Variants in APPBP2 observed in about 807,000 individuals in gnomAD.
APPBP2 encodes the protein amyloid protein-binding protein 2.
A neutral mutation model predicts 76.0 loss-of-function variants in APPBP2; 15 were observed. The ratio of observed to expected loss-of-function variants is 0.20; its 90% CI spans 0.13 to 0.30. APPBP2 has a LOEUF of 0.30. Among genes scored for constraint, APPBP2 ranks in the 10% least tolerant of loss-of-function variants. The probability of loss-of-function intolerance (pLI) is 1.00; values close to 1 mark genes in which losing one functional copy is unlikely to be tolerated. For missense variants in APPBP2, 401 were observed against 687.2 expected (o/e 0.58, Z 4.66); for synonymous variants, 222 against 242.2 (o/e 0.92, Z 0.77).
intron 1 of APPBP2, among the ~76,000 whole-genome samples, chr17:60,515,353 C>A (rs1377418073): frequency 6.6e-6 from 1 of 150,462 alleles, no homozygotes; most frequent in Non-Finnish European, 1.5e-5. Context: ...TGAACTCAGG[C>A]GATCCACCCA....
chr17:60,450,313 C>T (rs539305216), intron 12 of APPBP2, among the ~76,000 whole-genome samples: 171 of 145,362 alleles, frequency 1.2e-3, no homozygotes, highest in Non-Finnish European at 1.5e-3. Context: ...TGGCGGGCAC[C>T]TGTAGTCCCA....
At chr17:60,518,619 C>T (rs115013238) in intron 1 of APPBP2, among the ~76,000 whole-genome samples, 2,373 of 151,974 alleles carry the variant, frequency 0.016, 62 homozygotes, top group African/African-American at 0.052. Flanking sequence ...CAGGCCCAAG[C>T]GATCCTCCTG....
intron 3 of APPBP2, among the ~76,000 whole-genome samples, chr17:60,480,685 T>C (rs2090621756): frequency 2.0e-5 from 3 of 152,150 alleles, no homozygotes; most frequent in African/African-American, 2.4e-5. Context: ...TCCCAACATA[T>C]TGTATATTGT....
intron 4 of APPBP2, among the ~76,000 whole-genome samples, chr17:60,475,686 C>CACACA (rs2090585399): frequency 6.6e-6 from 1 of 151,372 alleles, no homozygotes. Flanking sequence ...CACACACACA[C>CACACA]ACACGCTCCC....
At chr17:60,469,440 T>C (rs1045606001) in intron 4 of APPBP2, among the ~76,000 whole-genome samples, 5 of 151,714 alleles carry the variant, frequency 3.3e-5, no homozygotes, top group Non-Finnish European at 5.9e-5. Context: ...GTGAAATATA[T>C]ATAAAACTTT....
chr17:60,469,939 G>C (rs1396296272), intron 4 of APPBP2, among the ~76,000 whole-genome samples: 1 of 151,940 alleles, frequency 6.6e-6, no homozygotes, highest in African/African-American at 2.4e-5. Flanking sequence ...TTAGCTTTTT[G>C]ACAAACTGCC....
At chr17:60,495,102 A>G (rs992683376) in intron 2 of APPBP2, among the ~76,000 whole-genome samples, 8 of 149,248 alleles carry the variant, frequency 5.4e-5, no homozygotes, top group Non-Finnish European at 1.2e-4. Flanking sequence ...CTCCCGCCTC[A>G]GCCTCCCAAG....
At chr17:60,448,562 C>T (rs969857391) in intron 12 of APPBP2, among the ~76,000 whole-genome samples, 10 of 152,180 alleles carry the variant, frequency 6.6e-5, no homozygotes, top group Admixed American at 4.6e-4. Context: ...AACAAAAACA[C>T]GTAGAATAGT....
chr17:60,485,802 T>C (rs1375245166), intron 3 of APPBP2, among the ~76,000 whole-genome samples: 2 of 152,088 alleles, frequency 1.3e-5, no homozygotes, highest in East Asian at 1.9e-4. Context: ...AGGGTGTGAA[T>C]TGTAGATCTT....
intron 6 of APPBP2, chr17:60,462,615 A>G (rs1342139696): frequency 1.3e-5 from 2 of 152,308 alleles, no homozygotes; most frequent in Non-Finnish European, 2.9e-5. Flanking sequence ...GATTATAGCT[A>G]GGCATTTTCT....
intron 3 of APPBP2, among the ~76,000 whole-genome samples, chr17:60,493,232 T>A (rs1446776614): frequency 4.6e-5 from 7 of 152,182 alleles, no homozygotes; most frequent in Non-Finnish European, 1.0e-4. Context: ...CTCGGGTATG[T>A]CTTTAATGGC....
chr17:60,456,672 C>T (rs1293758557), intron 9 of APPBP2, among the ~76,000 whole-genome samples: 1 of 152,146 alleles, frequency 6.6e-6, no homozygotes, highest in Non-Finnish European at 1.5e-5. Context: ...GCCATTCTCA[C>T]ACCAACCCTC....
At chr17:60,456,136 C>G (rs1309316656) in intron 10 of APPBP2, among the ~76,000 whole-genome samples, 160 bp downstream of exon 10, 1 of 152,100 alleles carries the variant, frequency 6.6e-6, no homozygotes, top group Non-Finnish European at 1.5e-5. Flanking sequence ...ACTGGAACCC[C>G]TTAAGTAGAG....
intron 3 of APPBP2, among the ~76,000 whole-genome samples, chr17:60,480,711 A>G (rs1269184874): frequency 6.6e-6 from 1 of 152,170 alleles, no homozygotes; most frequent in African/African-American, 2.4e-5. Context: ...TTATTAGAAT[A>G]CTGTCTCTCA....
rs1487337985 is a variant in APPBP2, at chr17:60,444,109, A to T, written c.*3472T>A. The T allele has an allele frequency of 6.6e-6, 1 of 151,108 alleles. No individual in the cohort carries two copies. 9.4% of individuals were successfully genotyped at this position (151,108 alleles called of 1,614,324 possible). A position where few individuals can be genotyped will look rare whatever the true frequency, so the allele number is the denominator to read the frequency against. On this transcript the variant is annotated 3_prime_UTR_variant, in exon 13 of 13. Transcript: ENST00000083182. ...TGCCATTGCCCTCCCAGCCTGGGCA[A>T]CAAGAGCGAAACTCCGTCTGAAAAA... is the stretch of plus-strand genomic sequence containing the variant.
At chr17:60,523,839 G>C (rs1402251633) in intron 1 of APPBP2, among the ~76,000 whole-genome samples, 2 of 152,078 alleles carry the variant, frequency 1.3e-5, no homozygotes, top group East Asian at 3.8e-4. Flanking sequence ...CTAAGTAAAA[G>C]AGCAAGGAAC....
At chr17:60,450,802 A>C (rs2090389075) in intron 12 of APPBP2, among the ~76,000 whole-genome samples, 1 of 151,880 alleles carries the variant, frequency 6.6e-6, no homozygotes, top group South Asian at 2.1e-4. Context: ...AAAAGAAAAA[A>C]GAAAAAAAGA....
At chr17:60,466,129 G>C (rs8078410) in intron 5 of APPBP2, among the ~76,000 whole-genome samples, 162 bp downstream of exon 5, 2,248 of 152,202 alleles carry the variant, frequency 0.015, 49 homozygotes, top group African/African-American at 0.05. Context: ...CACAGTGCTC[G>C]GCTTGTCTGA....
intron 1 of APPBP2, among the ~76,000 whole-genome samples, chr17:60,520,532 C>G (rs1037752971): frequency 6.7e-6 from 1 of 149,628 alleles, no homozygotes; most frequent in African/African-American, 2.5e-5. Flanking sequence ...GACATTGTGC[C>G]TATGCACTCG....
Sources: allele counts gnomAD v4.1 joint callset (sites outside exome capture counted in the v4.1 genomes callset), GRCh38; gene constraint gnomAD v4.1.1; transcripts MANE v1.5; gene names NCBI Gene and HGNC (gene_info 2026-07-23, HGNC 2026-07-21).